Variants in DOCK3 observed in about 807,000 individuals in gnomAD.
DOCK3 encodes dedicator of cytokinesis 3.
DOCK3 carries 60 observed loss-of-function variants against 265.6 expected under a neutral mutation model. That is an observed-to-expected ratio of 0.23 (90% CI 0.18 to 0.28). DOCK3 has a LOEUF of 0.28. Among genes scored for constraint, DOCK3 ranks in the 10% least tolerant of loss-of-function variants. The pLI is 1.00. For synonymous variants in DOCK3, 881 were observed against 938.0 expected (o/e 0.94, Z 1.11); for missense variants, 1,981 against 2,594.3 (o/e 0.76, Z 5.14).
intron 14 of DOCK3, among the ~76,000 whole-genome samples, chr3:51,219,469 A>G (rs1308632258): frequency 6.6e-6 from 1 of 152,202 alleles, no homozygotes; most frequent in Non-Finnish European, 1.5e-5. Flanking sequence ...AGCCCATCCT[A>G]TAACACTGTG....
At chr3:50,774,704 T>C (rs761608414) in intron 1 of DOCK3, among the ~76,000 whole-genome samples, 1 of 151,986 alleles carries the variant, frequency 6.6e-6, no homozygotes, top group Non-Finnish European at 1.5e-5. Context: ...TTGCATCGAC[T>C]GGTCCTGCAT....
intron 1 of DOCK3, among the ~76,000 whole-genome samples, chr3:50,719,135 T>C (rs1216042616): frequency 6.6e-6 from 1 of 152,186 alleles, no homozygotes; most frequent in Non-Finnish European, 1.5e-5. Context: ...ATTATCTTTG[T>C]GAATATTGTT....
intron 1 of DOCK3, among the ~76,000 whole-genome samples, chr3:50,757,279 C>T (rs1487143397): frequency 1.4e-5 from 2 of 138,910 alleles, no homozygotes; most frequent in African/African-American, 5.3e-5. Context: ...CAAGCGATTT[C>T]TCCTGCCTCA....
intron 21 of DOCK3, among the ~76,000 whole-genome samples, chr3:51,245,573 A>C (rs2078800270): frequency 6.6e-6 from 1 of 151,608 alleles, no homozygotes. Context: ...TTGTATTTTT[A>C]GTAGAGATGG....
chr3:51,356,439 G>A lies in DOCK3; in HGVS notation c.4449G>A (p.Leu1483=). ...GGATTGAACGTACCACACTGACCCT[G>A]ACCCACAGCTTGCCTGGCATCTCTC... ...SLWIERTTLT[L]THSLPGISRW... The change falls in exon 43 of 53, where the codon CTG becomes CTA. Residue 1483 remains leucine (L), a synonymous_variant. Transcript: ENST00000266037. 2 of 1,612,916 alleles carry A rather than the reference G, an allele frequency of 1.2e-6. No individual in the cohort carries two copies. The highest frequency in any genetic ancestry group is 1.7e-6 in the Non-Finnish European group (2 of 1,179,700).
chr3:51,061,613 A>G (rs1038455269), intron 5 of DOCK3, among the ~76,000 whole-genome samples: 1 of 152,138 alleles, frequency 6.6e-6, no homozygotes, highest in African/African-American at 2.4e-5. Flanking sequence ...CCTAACATTA[A>G]ATGACAAGTT....
At chr3:51,022,606 C>G (rs1223466759) in intron 5 of DOCK3, among the ~76,000 whole-genome samples, 2 of 152,104 alleles carry the variant, frequency 1.3e-5, no homozygotes, top group Non-Finnish European at 2.9e-5. Flanking sequence ...CTTATAGATT[C>G]TGGGTATTAG....
intron 5 of DOCK3, among the ~76,000 whole-genome samples, chr3:50,955,338 G>A (rs1023836729): frequency 1.3e-5 from 2 of 152,120 alleles, no homozygotes; most frequent in Non-Finnish European, 2.9e-5. Context: ...TGCTGGTTAT[G>A]TACTCAGAGG....
chr3:51,273,314 G>A (rs1399884919), intron 24 of DOCK3, among the ~76,000 whole-genome samples: 2 of 152,046 alleles, frequency 1.3e-5, no homozygotes, highest in Non-Finnish European at 2.9e-5. Context: ...TATTTATGTG[G>A]CCCTGGACTA....
intron 1 of DOCK3, among the ~76,000 whole-genome samples, chr3:50,741,130 A>C (rs949422475): frequency 6.6e-6 from 1 of 151,042 alleles, no homozygotes; most frequent in African/African-American, 2.4e-5. Context: ...TTTTTGGATG[A>C]CTATATATAT....
At chr3:51,313,723 G>A (rs1240334060) in intron 31 of DOCK3, among the ~76,000 whole-genome samples, 1 of 152,170 alleles carries the variant, frequency 6.6e-6, no homozygotes, top group Admixed American at 6.5e-5. Context: ...TAACCTAGAG[G>A]CAGCAAGTAG....
At chr3:51,279,092 C>CA (rs534726580) in intron 26 of DOCK3, among the ~76,000 whole-genome samples, 5 of 147,956 alleles carry the variant, frequency 3.4e-5, no homozygotes, top group South Asian at 2.1e-4. Flanking sequence ...ACTAAAAATA[C>CA]AAAAAAAAAA....
chr3:50,726,608 T>A (rs966160312), intron 1 of DOCK3, among the ~76,000 whole-genome samples: 2 of 152,166 alleles, frequency 1.3e-5, no homozygotes, highest in African/African-American at 4.8e-5. Context: ...GTATTATTAT[T>A]ATTTTTTTTC....
chr3:51,312,671 C>A, intron 30 of DOCK3, 95 bp downstream of exon 30: 1 of 1,333,914 alleles, frequency 7.5e-7, no homozygotes, highest in Non-Finnish European at 1.0e-6. Context: ...AGGTTCTCAG[C>A]TGGGTGGTTT....
intron 2 of DOCK3, among the ~76,000 whole-genome samples, chr3:50,812,272 G>T (rs975927412): frequency 2.0e-5 from 3 of 152,156 alleles, no homozygotes; most frequent in African/African-American, 7.2e-5. Context: ...GGCCTCCAAC[G>T]TGCAAGTCCA....
At chr3:50,988,978 G>A (rs1304776301) in intron 5 of DOCK3, among the ~76,000 whole-genome samples, 2 of 152,010 alleles carry the variant, frequency 1.3e-5, no homozygotes, top group Non-Finnish European at 1.5e-5. Context: ...TGCCACCCTC[G>A]GACTAAAAAA....
At chr3:51,187,288 A>C (rs534148695) in intron 12 of DOCK3, among the ~76,000 whole-genome samples, 2 of 152,330 alleles carry the variant, frequency 1.3e-5, no homozygotes, top group East Asian at 3.9e-4. Context: ...TCAGACTTGC[A>C]TGGGGCCTGT....
chr3:50,692,397 A>C (rs2035309940), intron 1 of DOCK3, among the ~76,000 whole-genome samples: 1 of 152,176 alleles, frequency 6.6e-6, no homozygotes, highest in Non-Finnish European at 1.5e-5. Flanking sequence ...TTAGATTCTC[A>C]TAAGGAGCGT....
intron 30 of DOCK3, 97 bp downstream of exon 30, chr3:51,312,673 G>A: frequency 1.5e-6 from 2 of 1,329,158 alleles, no homozygotes; most frequent in Non-Finnish European, 2.1e-6. Flanking sequence ...GTTCTCAGCT[G>A]GGTGGTTTCC....
Sources: allele counts gnomAD v4.1 joint callset (sites outside exome capture counted in the v4.1 genomes callset), GRCh38; gene constraint gnomAD v4.1.1; transcripts MANE v1.5; gene names NCBI Gene and HGNC (gene_info 2026-07-23, HGNC 2026-07-21).